The following PHYHD1 variants were observed in gnomAD, a reference collection of about 807,000 sequenced individuals.
PHYHD1 encodes the protein phytanoyl-CoA dioxygenase domain-containing protein 1.
Under a neutral mutation model 43.6 loss-of-function variants are expected in PHYHD1, and 42 were observed. That is an observed-to-expected ratio of 0.96 (90% CI 0.75 to 1.25). The LOEUF (loss-of-function observed/expected upper bound fraction) is 1.25, where lower values mean the gene tolerates loss of function less well. PHYHD1 is among the 50% of genes most tolerant of loss of function. The pLI, the probability that PHYHD1 is intolerant of heterozygous loss-of-function variation, is 0.00. For missense variants in PHYHD1, 342 were observed against 370.8 expected, an observed-to-expected ratio of 0.92 and a Z score of 0.64; for synonymous variants, 139 against 143.6, an observed-to-expected ratio of 0.97 and a Z score of 0.23.
At chr9:128,927,433 T>G (rs1482910819) in intron 4 of PHYHD1, among the ~76,000 whole-genome samples, 40 of 152,064 alleles carry the variant, frequency 2.6e-4, no homozygotes, top group Admixed American at 2.4e-3. Context: ...TGGAATTCAG[T>G]GGCGCGATCT....
intron 3 of PHYHD1, 44 bp from the exon 4 acceptor site, chr9:128,926,994 G>A: frequency 6.2e-7 from 1 of 1,613,816 alleles, no homozygotes; most frequent in Non-Finnish European, 8.5e-7. Flanking sequence ...TCAGACAGGA[G>A]CATTTGCAGA....
At chr9:128,923,329 G>C (rs894248456) in intron 3 of PHYHD1, among the ~76,000 whole-genome samples, 2 of 152,250 alleles carry the variant, frequency 1.3e-5, no homozygotes, top group African/African-American at 2.4e-5. Context: ...CTCCTGCCTT[G>C]GCCTTCCAAA....
At chr9:128,938,190 C>G (rs535465251) in intron 9 of PHYHD1, among the ~76,000 whole-genome samples, 105 of 152,202 alleles carry the variant, frequency 6.9e-4, no homozygotes, top group Non-Finnish European at 4.6e-4. Context: ...CACCCGTAGT[C>G]CTAGCTACTC....
rs763571909 is a variant in PHYHD1 at position 128,940,707 on chromosome 9, T to C, written c.695T>C (p.Val232Ala). 2 of 1,613,296 alleles carry C rather than the reference T, an allele frequency of 1.2e-6. No individual in the cohort carries two copies. Among genetic ancestry groups the C allele is most frequent in the Non-Finnish European group, 1.7e-6 (2 of 1,179,998 alleles). Residue 232 changes from valine to alanine, a missense_variant, in exon 11 of 13, where the codon GTG becomes GCG. Coordinates refer to ENST00000372592, the MANE Select transcript of PHYHD1 (RefSeq NM_001100876.2). The part of the protein sequence containing the change: ...RDNSLFVPTP[V>A]QRGALVLIHG... ...AACAGCCTCTTTGTGCCCACCCCAG[T>C]GCAGAGAGGTAGGCAGATGCAGAGG...
chr9:128,936,701 T>G, intron 8 of PHYHD1, 56 bp downstream of exon 8: 1 of 1,528,758 alleles, frequency 6.5e-7, no homozygotes, highest in Non-Finnish European at 8.9e-7. Context: ...AGACTGCTCA[T>G]ACCAAGCCCT....
At chr9:128,941,645 T>G (rs773137595) in intron 12 of PHYHD1, 23 bp from the exon 13 acceptor site, 1 of 1,614,156 alleles carries the variant, frequency 6.2e-7, no homozygotes, top group South Asian at 1.1e-5. Context: ...ACCTCAAGGT[T>G]GTTTCTCCTC....
Position 128,941,927 on chromosome 9 carries a change from G to A in PHYHD1, c.*214G>A. The A allele has an allele frequency of 1.6e-6, 1 of 628,262 alleles. No homozygotes were observed. Among genetic ancestry groups the A allele is most frequent in the Non-Finnish European group, 2.8e-6 (1 of 363,370 alleles). 38.9% of individuals were successfully genotyped at this position (628,262 alleles called of 1,614,324 possible). On this transcript the variant is annotated 3_prime_UTR_variant, in exon 13 of 13. Coordinates refer to ENST00000372592, the MANE Select transcript of PHYHD1 (RefSeq NM_001100876.2). ...CCTACTGCCCCAACATAGCCTTGAG[G>A]AGGCTTCTCAGCCACCAAAGGGTTC... is the stretch of plus-strand genomic sequence containing the variant.
Position 128,930,902 on chromosome 9 carries a change from T to C in PHYHD1, c.193-2880T>C, listed in dbSNP as rs1841257478. ...AGGCGGAGCTTGCAGTGAGCCGAGATTGGGTCACTGCACTCCAGCCTGGGC... is the reference window on the plus strand; with the variant it reads ...AGGCGGAGCTTGCAGTGAGCCGAGACTGGGTCACTGCACTCCAGCCTGGGC... On this transcript the variant is annotated intron_variant, in intron 4 of 12. Transcript: ENST00000372592. Among the ~76,000 whole-genome samples, 4 of 149,734 alleles carry C rather than the reference T, an allele frequency of 2.7e-5. No individual in the cohort carries two copies. The South Asian group carries it at 8.5e-4, about 32-fold the overall frequency.
Position 128,922,055 on chromosome 9 carries a change from G to A in PHYHD1, c.-42+8G>A. 1.9e-6 allele frequency: 1 copy of A among 514,446 alleles called. No homozygotes were observed. The highest frequency in any genetic ancestry group is 3.5e-6 in the Non-Finnish European group (1 of 289,268). The allele number at this position is 514,446 out of a possible 1,614,324, so 31.9% of individuals were successfully genotyped here. On this transcript the variant is annotated splice_region_variant and intron_variant, in intron 2 of 12. Transcript: ENST00000372592. ...ATAATTTCCCGGCACCTGGTAAGCA[G>A]TGGTGGGGGGTGGTTTCCAGAAGAA...
intron 9 of PHYHD1, 146 bp from the exon 10 acceptor site, chr9:128,940,222 CT>C (rs1841522087): frequency 1.5e-6 from 2 of 1,303,244 alleles, no homozygotes; most frequent in Admixed American, 4.6e-5. Flanking sequence ...CCTTAGAGTC[CT>C]GGGCCAGGAA....
At chr9:128,927,937 A>C (rs1841177339) in intron 4 of PHYHD1, among the ~76,000 whole-genome samples, 1 of 152,170 alleles carries the variant, frequency 6.6e-6, no homozygotes, top group Non-Finnish European at 1.5e-5. Flanking sequence ...TTCTCCCCCC[A>C]GTGACCGAAT....
intron 4 of PHYHD1, among the ~76,000 whole-genome samples, chr9:128,931,775 C>T (rs914134132): frequency 6.6e-6 from 1 of 152,186 alleles, no homozygotes; most frequent in African/African-American, 2.4e-5. Context: ...GATCCGTCCG[C>T]CTCAGCCTCC....
chr9:128,937,151 C>G (rs1049097008), intron 8 of PHYHD1, among the ~76,000 whole-genome samples: 2 of 151,692 alleles, frequency 1.3e-5, no homozygotes, highest in Non-Finnish European at 2.9e-5. Context: ...CAGTGGCTCA[C>G]GCTTGTAATC....
intron 9 of PHYHD1, among the ~76,000 whole-genome samples, chr9:128,939,660 A>C (rs1841507353): frequency 8.9e-6 from 1 of 112,548 alleles, no homozygotes; most frequent in African/African-American, 3.6e-5. Flanking sequence ...CCAACTTCCC[A>C]ATTTTTTTTT....
chr9:128,932,184 ATTTT>A (rs1258300033), intron 4 of PHYHD1, among the ~76,000 whole-genome samples: 4 of 108,698 alleles, frequency 3.7e-5, no homozygotes, highest in African/African-American at 1.3e-4. Context: ...TATTATTATT[ATTTT>A]TTTTTTTTGA....
intron 9 of PHYHD1, among the ~76,000 whole-genome samples, chr9:128,939,782 G>A (rs1175011656): frequency 8.3e-6 from 1 of 120,554 alleles, no homozygotes; most frequent in Non-Finnish European, 1.9e-5. Flanking sequence ...AGCCTCCCAA[G>A]TAGCTGGGAT....
intron 3 of PHYHD1, among the ~76,000 whole-genome samples, chr9:128,925,229 CTT>C (rs573388244): frequency 9.2e-5 from 13 of 141,322 alleles, no homozygotes; most frequent in Non-Finnish European, 6.2e-5. Flanking sequence ...CTTTTTCTTT[CTT>C]TTTTTTTTTT....
rs200511638 is a variant in PHYHD1 at position 128,931,846 on chromosome 9, C to CTTTTTT, written c.193-1931_193-1930insTTTTTT. Among the ~76,000 whole-genome samples the CTTTTTT allele has an allele frequency of 3.0e-4, 45 of 149,758 alleles. 1 individual carries two copies. Among genetic ancestry groups the CTTTTTT allele is most frequent in the South Asian group, 1.3e-3 (6 of 4,738 alleles). On this transcript the variant is annotated intron_variant, in intron 4 of 12. Transcript: ENST00000372592. ...CCGGCCTTTCTTTCTTTCTTTCTTT[C>CTTTTTT]TTTTTGAGATGGAGTTTTGCTCTTG...
chr9:128,927,073 C>T lies in PHYHD1; in HGVS notation c.69C>T (p.Phe23=). ...ATGGATTCCTGGTGCTGGAAGGATT[C>T]TTGTCTGCGGAAGAGTGTGTGGCCA... The part of the protein sequence containing the change: ...QQDGFLVLEG[F]LSAEECVAMQ... The change falls in exon 4 of 13, where the codon TTC becomes TTT. Residue 23 remains phenylalanine (F), a synonymous_variant. Transcript: ENST00000372592. 6.2e-7 allele frequency: 1 copy of T among 1,614,160 alleles called. No homozygotes were observed. The highest frequency in any genetic ancestry group is 1.3e-5 in the African/African-American group (1 of 75,044).
Sources: allele counts gnomAD v4.1 joint callset (sites outside exome capture counted in the v4.1 genomes callset), GRCh38; gene constraint gnomAD v4.1.1; transcripts MANE v1.5; gene names NCBI Gene and HGNC (gene_info 2026-07-23, HGNC 2026-07-21).